Variants in LMBRD1 observed in about 807,000 individuals in gnomAD.
The protein encoded by LMBRD1 is lysosomal cobalamin transport escort protein LMBD1.
A neutral mutation model predicts 74.8 loss-of-function variants in LMBRD1; 64 were observed. That is an observed-to-expected ratio of 0.86 (90% CI 0.70 to 1.05). The LOEUF is 1.05. Among genes scored for constraint, LMBRD1 ranks in the 50% least tolerant of loss-of-function variants. LMBRD1 has a pLI of 0.00. For synonymous variants in LMBRD1, 204 were observed against 216.3 expected, an observed-to-expected ratio of 0.94 and a Z score of 0.50; for missense variants, 652 against 645.9, an observed-to-expected ratio of 1.01 and a Z score of -0.10.
At chr6:69,747,608 C>T (rs1282248941) in intron 5 of LMBRD1, among the ~76,000 whole-genome samples, 1 of 152,212 alleles carries the variant, frequency 6.6e-6, no homozygotes, top group African/African-American at 2.4e-5. Context: ...TGCTCCTCTA[C>T]CATCAACATC....
At chr6:69,754,063 T>A (rs9360401) in intron 3 of LMBRD1, among the ~76,000 whole-genome samples, 2 of 151,806 alleles carry the variant, frequency 1.3e-5, no homozygotes, top group East Asian at 1.9e-4. Context: ...ACGATATGAC[T>A]CTACTTATAT....
intron 14 of LMBRD1, among the ~76,000 whole-genome samples, chr6:69,687,760 CTT>C (rs746420268): frequency 6.6e-6 from 1 of 152,050 alleles, no homozygotes; most frequent in Non-Finnish European, 1.5e-5. Flanking sequence ...GAGTTGATGA[CTT>C]ATATTAATCT....
At chr6:69,683,715 ATT>A (rs1436493921) in intron 14 of LMBRD1, among the ~76,000 whole-genome samples, 1 of 151,102 alleles carries the variant, frequency 6.6e-6, no homozygotes, top group Non-Finnish European at 1.5e-5. Flanking sequence ...TAGCACAGTC[ATT>A]TGTTTCTTAT....
At chr6:69,748,638 A>G (rs9346344) in intron 5 of LMBRD1, among the ~76,000 whole-genome samples, 56,001 of 151,848 alleles carry the variant, frequency 0.37, 10,807 homozygotes, top group East Asian at 0.54. Flanking sequence ...TTATAAACAG[A>G]AACTTTAAAA....
intron 3 of LMBRD1, among the ~76,000 whole-genome samples, chr6:69,757,521 T>G (rs892678646): frequency 6.6e-6 from 1 of 152,250 alleles, no homozygotes; most frequent in Non-Finnish European, 1.5e-5. Flanking sequence ...TCTTTCTCAG[T>G]GTCCTTTATA....
intron 12 of LMBRD1, among the ~76,000 whole-genome samples, chr6:69,700,067 T>C (rs1766092880): frequency 6.6e-6 from 1 of 151,886 alleles, no homozygotes; most frequent in South Asian, 2.1e-4. Context: ...GCAGCCATAC[T>C]ACAATCATGA....
intron 3 of LMBRD1, among the ~76,000 whole-genome samples, chr6:69,763,321 T>C (rs963058477): frequency 3.4e-5 from 5 of 146,526 alleles, no homozygotes; most frequent in East Asian, 4.0e-4. Context: ...CAAAAAAAAA[T>C]GGAAAAGCTT....
intron 14 of LMBRD1, among the ~76,000 whole-genome samples, chr6:69,683,160 G>GA (rs1765697521): frequency 6.6e-6 from 1 of 151,876 alleles, no homozygotes; most frequent in African/African-American, 2.4e-5. Flanking sequence ...CAACATCCAA[G>GA]AAAAATGATG....
rs564836301 is a variant in LMBRD1 at position 69,755,015 on chromosome 6, A to T, written c.308-2659T>A. 2.0e-5 allele frequency among the ~76,000 whole-genome samples: 3 copies of T among 152,342 alleles called. No individual in the cohort carries two copies. The South Asian group carries it at 6.2e-4, about 32-fold the overall frequency. On this transcript the variant is annotated intron_variant, in intron 3 of 15. Transcript: ENST00000649934. The stretch of plus-strand genomic sequence containing the variant: ...AATTAGTTCAACCATTGTGGAAGAC[A>T]GTGTGGCGATTCCTCAAGGATTTAG...
At chr6:69,770,169 A>G (rs944277374) in intron 3 of LMBRD1, among the ~76,000 whole-genome samples, 2 of 152,132 alleles carry the variant, frequency 1.3e-5, no homozygotes, top group Non-Finnish European at 2.9e-5. Context: ...TGACTCCAAG[A>G]TTGTCACTTC....
At chr6:69,745,490 C>T (rs1767205074) in intron 5 of LMBRD1, among the ~76,000 whole-genome samples, 1 of 151,420 alleles carries the variant, frequency 6.6e-6, no homozygotes, top group African/African-American at 2.4e-5. Flanking sequence ...GATCTCCTGA[C>T]CTCATGATCC....
intron 3 of LMBRD1, among the ~76,000 whole-genome samples, chr6:69,752,746 C>A (rs1336725506): frequency 6.6e-6 from 1 of 152,104 alleles, no homozygotes; most frequent in South Asian, 2.1e-4. Context: ...AATTTGAGTA[C>A]ACTTGACACA....
At chr6:69,783,083 A>G (rs1765872896) in intron 2 of LMBRD1, among the ~76,000 whole-genome samples, 1 of 152,216 alleles carries the variant, frequency 6.6e-6, no homozygotes, top group Admixed American at 6.5e-5. Flanking sequence ...GTAGGAGGAA[A>G]CAGAACAAAT....
At chr6:69,752,493 T>C (rs958334815) in intron 3 of LMBRD1, 137 bp from the exon 4 acceptor site, 6 of 679,618 alleles carry the variant, frequency 8.8e-6, no homozygotes, top group Non-Finnish European at 1.5e-5. Context: ...TCTTTCTATA[T>C]AGTACATGAT....
intron 7 of LMBRD1, among the ~76,000 whole-genome samples, chr6:69,732,812 G>C (rs1470844214): frequency 6.6e-6 from 1 of 152,114 alleles, no homozygotes; most frequent in Non-Finnish European, 1.5e-5. Flanking sequence ...TTTTGCTGAA[G>C]ACATCATTAT....
chr6:69,751,480 C>A (rs943777030), intron 4 of LMBRD1, among the ~76,000 whole-genome samples: 1 of 152,216 alleles, frequency 6.6e-6, no homozygotes. Context: ...GCCCTTGCCG[C>A]CATGCCCAGC....
intron 1 of LMBRD1, among the ~76,000 whole-genome samples, chr6:69,793,718 C>CTTTTTTTTTTTTTTTTTTTTTTTTTTTT (rs34341228): frequency 1.0e-5 from 1 of 96,030 alleles, no homozygotes; most frequent in Non-Finnish European, 2.0e-5. Context: ...TGTCCTGAAT[C>CTTTTTTTTTTTTTTTTTTTTTTTTTTTT]TTTTTTTTTT....
rs1262894438 is a variant in LMBRD1, at chr6:69,674,169, C to T, written c.*1989G>A. On this transcript the variant is annotated 3_prime_UTR_variant, in exon 16 of 16. Coordinates refer to ENST00000649934, the MANE Select transcript of LMBRD1 (RefSeq NM_018368.4). ...ACATGGCCTCTTCTTTGTACATACA[C>T]ATTCTAGATGTCTCTCCCCCTTCTT... 2.0e-5 allele frequency among the ~76,000 whole-genome samples: 3 copies of T among 152,222 alleles called. No individual in the cohort carries two copies. The highest frequency in any genetic ancestry group is 6.5e-5 in the Admixed American group (1 of 15,278).
intron 2 of LMBRD1, among the ~76,000 whole-genome samples, chr6:69,785,668 A>C (rs1185245573): frequency 1.3e-5 from 2 of 152,184 alleles, no homozygotes; most frequent in African/African-American, 2.4e-5. Context: ...TGCCAATTTT[A>C]ATCATTTTTC....
Sources: allele counts gnomAD v4.1 joint callset (sites outside exome capture counted in the v4.1 genomes callset), GRCh38; gene constraint gnomAD v4.1.1; transcripts MANE v1.5; gene names NCBI Gene and HGNC (gene_info 2026-07-23, HGNC 2026-07-21).